BACE1: variants seen among roughly 807,000 people sequenced by gnomAD.
The protein encoded by BACE1 is beta-secretase 1.
BACE1 carries 21 observed loss-of-function variants against 54.0 expected under a neutral mutation model. The observed-to-expected ratio is 0.39, with a 90% CI of 0.28 to 0.56. BACE1 has a LOEUF of 0.56. Among genes scored for constraint, BACE1 ranks in the 20% least tolerant of loss-of-function variants. The pLI, the probability that BACE1 is intolerant of heterozygous loss-of-function variation, is 0.63. For synonymous variants in BACE1, 232 were observed against 260.9 expected (o/e 0.89, Z 1.07); for missense variants, 511 against 661.2 (o/e 0.77, Z 2.49).
intron 5 of BACE1, chr11:117,292,175 T>C (rs1023090615): frequency 7.2e-6 from 1 of 139,760 alleles, no homozygotes; most frequent in African/African-American, 2.8e-5. Context: ...TTTTAACTTT[T>C]CTTTTCTTTT....
chr11:117,299,325 TCTC>T (rs2034670378), intron 1 of BACE1, among the ~76,000 whole-genome samples: 2 of 152,126 alleles, frequency 1.3e-5, no homozygotes, highest in African/African-American at 4.8e-5. Flanking sequence ...CTGTATCTTC[TCTC>T]CTCAGTCCAG....
chr11:117,298,175 G>A (rs188063412), intron 1 of BACE1, among the ~76,000 whole-genome samples: 2 of 151,964 alleles, frequency 1.3e-5, no homozygotes, highest in African/African-American at 2.4e-5. Context: ...GGTGACGCAC[G>A]CCTATAATCC....
Position 117,315,399 on chromosome 11 carries a change from C to CG in BACE1, c.261+135dup, listed in dbSNP as rs2035080258. The CG allele has an allele frequency of 8.1e-7, 1 of 1,236,052 alleles. No individual in the cohort carries two copies. The allele number at this position is 1,236,052 out of a possible 1,614,324, so 76.6% of individuals were successfully genotyped here. A position where few individuals can be genotyped will look rare whatever the true frequency, so the allele number is the denominator to read the frequency against. The stretch of plus-strand genomic sequence containing the variant: ...CTTCTGCCAACAACCACGTGACCCC[C>CG]GGGGAATGGCTGGGGAGGGGTCCCT... On this transcript the variant is annotated intron_variant, in intron 1 of 8. Coordinates refer to ENST00000313005, the MANE Select transcript of BACE1 (RefSeq NM_012104.6). The surrounding 1 kb of genome is among the most constrained non-coding windows in gnomAD (Gnocchi z 5.5).
intron 1 of BACE1, 41 bp from the exon 2 acceptor site, chr11:117,297,002 G>A (rs1049427176): frequency 6.7e-7 from 1 of 1,483,332 alleles, no homozygotes. Flanking sequence ...ATAGACAGGA[G>A]GCTTCGGTCA....
In BACE1 at chr11:117,288,388, A is replaced by G. The variant is rs1419307588; in HGVS notation, c.*1178T>C. 1 of 152,636 alleles carries G rather than the reference A, an allele frequency of 6.6e-6. No individual in the cohort carries two copies. The highest frequency in any genetic ancestry group is 1.9e-4 in the East Asian group (1 of 5,202). The allele number at this position is 152,636 out of a possible 1,614,324, so 9.5% of individuals were successfully genotyped here. A position where few individuals can be genotyped will look rare whatever the true frequency, so the allele number is the denominator to read the frequency against. ...CTCTGAATTATGTAAAGATCTTGCT[A>G]CTTCTTATAGCCTAATAGGAAGAAA... On this transcript the variant is annotated 3_prime_UTR_variant, in exon 9 of 9. Coordinates refer to ENST00000313005, the MANE Select transcript of BACE1 (RefSeq NM_012104.6).
chr11:117,314,129 C>T (rs1025018413), intron 1 of BACE1, among the ~76,000 whole-genome samples: 7 of 152,178 alleles, frequency 4.6e-5, no homozygotes, highest in African/African-American at 1.4e-4. Context: ...GCACAGTGTG[C>T]ACAGCATGTC....
Position 117,295,154 on chromosome 11 carries a change from G to A in BACE1, c.544C>T (p.Leu182=), listed in dbSNP as rs1319241973. The A allele has an allele frequency of 2.5e-6, 4 of 1,614,168 alleles. No homozygotes were observed. Among genetic ancestry groups the A allele is most frequent in the Non-Finnish European group, 3.4e-6 (4 of 1,180,018 alleles). The change falls in exon 3 of 9, where the codon CTG becomes TTG. Residue 182 remains leucine (L), a synonymous_variant. Transcript: ENST00000313005. ...NGSNWEGILG[L]AYAEIARPDD... ...ACCCTGGCAATCTCAGCATAGGCCA[G>A]CCCCAGGATGCCTTCCCAGTTGGAG...
chr11:117,294,637 A>G (rs1266823253), intron 3 of BACE1, among the ~76,000 whole-genome samples: 2 of 151,776 alleles, frequency 1.3e-5, no homozygotes, highest in Non-Finnish European at 2.9e-5. Context: ...TAATCCCAGC[A>G]CTTAGGAAGG....
chr11:117,293,340 C>T lies in BACE1; in HGVS notation c.706-152G>A, dbSNP rs2034507028. ...TTCCTGCTTCTAAACAAATCATACC[C>T]AAAGTGATTTCTAGTTTCTTAAATG... On this transcript the variant is annotated intron_variant, in intron 4 of 8. Coordinates refer to ENST00000313005, the MANE Select transcript of BACE1 (RefSeq NM_012104.6). This position sits in a 1 kb window ranked among gnomAD's most constrained non-coding sequence, Gnocchi z 4.1. The T allele has an allele frequency of 5.7e-6, 4 of 697,848 alleles. No homozygotes were observed. In the East Asian group the frequency reaches 9.2e-5, roughly 16 times the overall value. 43.2% of individuals were successfully genotyped at this position (697,848 alleles called of 1,614,324 possible). A position where few individuals can be genotyped will look rare whatever the true frequency, so the allele number is the denominator to read the frequency against.
rs2034258618 is a variant in BACE1 at position 117,286,300 on chromosome 11, A to G, written c.*3266T>C. On this transcript the variant is annotated 3_prime_UTR_variant, in exon 9 of 9. Coordinates refer to ENST00000313005, the MANE Select transcript of BACE1 (RefSeq NM_012104.6). Reference sequence around the variant, plus strand: ...GCTATCAGGAACTAGATCATTTTCCACCTCTGCTTATTGTACTTCTTAATT... The same window carrying G: ...GCTATCAGGAACTAGATCATTTTCCGCCTCTGCTTATTGTACTTCTTAATT... The G allele has an allele frequency of 6.6e-6, 1 of 152,118 alleles. No homozygotes were observed. The highest frequency in any genetic ancestry group is 6.5e-5 in the Admixed American group (1 of 15,268). The allele number at this position is 152,118 out of a possible 1,614,324, so 9.4% of individuals were successfully genotyped here. A position where few individuals can be genotyped will look rare whatever the true frequency, so the allele number is the denominator to read the frequency against.
chr11:117,305,011 G>A (rs1286887159), intron 1 of BACE1, among the ~76,000 whole-genome samples: 15 of 141,272 alleles, frequency 1.1e-4, no homozygotes, highest in African/African-American at 4.0e-4. Context: ...CACCCAGGCT[G>A]TAGTGCAGTG....
intron 1 of BACE1, among the ~76,000 whole-genome samples, chr11:117,306,510 A>C (rs2034835630): frequency 6.6e-6 from 1 of 152,024 alleles, no homozygotes; most frequent in Non-Finnish European, 1.5e-5. Flanking sequence ...AGGCCTTGGA[A>C]AAGAGTAAGT....
rs546773274 is a variant in BACE1 at position 117,298,299 on chromosome 11, C to CA, written c.262-1339dup. Reference sequence around the variant, plus strand: ...CCTGGACGAGAGCAACACTCCGTCTCAAAAAAAAAAAGAAAAGAAAAGAAA... The same window carrying CA: ...CCTGGACGAGAGCAACACTCCGTCTCAAAAAAAAAAAAGAAAAGAAAAGAAA... On this transcript the variant is annotated intron_variant, in intron 1 of 8. Transcript: ENST00000313005. 7.8e-3 allele frequency among the ~76,000 whole-genome samples: 1,099 copies of CA among 140,476 alleles called. 26 individuals are homozygous for CA. The highest frequency in any genetic ancestry group is 0.051 in the South Asian group (229 of 4,458). 92.2% of individuals were successfully genotyped at this position (140,476 alleles called of 152,430 possible).
intron 1 of BACE1, 39 bp from the exon 2 acceptor site, chr11:117,297,000 G>A: frequency 6.6e-7 from 1 of 1,503,980 alleles, no homozygotes; most frequent in Non-Finnish European, 9.2e-7. Context: ...GTATAGACAG[G>A]AGGCTTCGGT....
chr11:117,314,464 C>G (rs999608176), intron 1 of BACE1: 1 of 152,234 alleles, frequency 6.6e-6, no homozygotes, highest in Non-Finnish European at 1.5e-5. Flanking sequence ...TGGCTGTCCC[C>G]TCCGCCCACC....
chr11:117,293,256 GC>G lies in BACE1; in HGVS notation c.706-69del. On this transcript the variant is annotated intron_variant, in intron 4 of 8. Coordinates refer to ENST00000313005, the MANE Select transcript of BACE1 (RefSeq NM_012104.6). This position sits in a 1 kb window ranked among gnomAD's most constrained non-coding sequence, Gnocchi z 4.1. ...GGAGAGTGAGTCCCCCAAGGACCAA[GC>G]AATAAGATCAGTGATTTCTTGGGGT... The G allele has an allele frequency of 6.5e-7, 1 of 1,545,208 alleles. No individual in the cohort carries two copies. The highest frequency in any genetic ancestry group is 8.8e-7 in the Non-Finnish European group (1 of 1,139,834).
At chr11:117,307,284 G>T in intron 1 of BACE1, among the ~76,000 whole-genome samples, 1 of 152,088 alleles carries the variant, frequency 6.6e-6, no homozygotes, top group Non-Finnish European at 1.5e-5. Context: ...ATTAGGTATG[G>T]GGGCTTCCCT....
chr11:117,295,117 C>G lies in BACE1; in HGVS notation c.567+14G>C. 6.2e-7 allele frequency: 1 copy of G among 1,611,582 alleles called. No individual in the cohort carries two copies. Among genetic ancestry groups the G allele is most frequent in the Non-Finnish European group, 8.5e-7 (1 of 1,177,742 alleles). On this transcript the variant is annotated intron_variant, in intron 3 of 8. Coordinates refer to ENST00000313005, the MANE Select transcript of BACE1 (RefSeq NM_012104.6). ...GTGCATAGAGTGTGTAGGGCCAAGC[C>G]CTGTTCCTCTCACCCTGGCAATCTC...
intron 1 of BACE1, among the ~76,000 whole-genome samples, chr11:117,313,539 A>C (rs2134502061): frequency 6.6e-6 from 1 of 152,244 alleles, no homozygotes; most frequent in South Asian, 2.1e-4. Flanking sequence ...GGTTCAAGCG[A>C]TTCTCCTGCC....
Sources: allele counts gnomAD v4.1 joint callset (sites outside exome capture counted in the v4.1 genomes callset), GRCh38; gene constraint gnomAD v4.1.1; non-coding constraint Gnocchi (gnomAD v3.1); transcripts MANE v1.5; gene names NCBI Gene and HGNC (gene_info 2026-07-23, HGNC 2026-07-21).